The following KCNJ8 variants were observed in gnomAD, a reference collection of about 807,000 sequenced individuals.
KCNJ8 encodes potassium inwardly rectifying channel subfamily J member 8.
KCNJ8 carries 13 observed loss-of-function variants against 28.2 expected under a neutral mutation model. The ratio of observed to expected loss-of-function variants is 0.46; its 90% CI spans 0.30 to 0.73. KCNJ8 has a LOEUF of 0.73. Ranked by LOEUF, KCNJ8 falls within the 30% of genes least tolerant of loss-of-function variation. KCNJ8 has a pLI of 0.07. For synonymous variants in KCNJ8, 188 were observed against 195.9 expected (o/e 0.96, Z 0.34); for missense variants, 284 against 542.6 (o/e 0.52, Z 4.73).
intron 2 of KCNJ8, among the ~76,000 whole-genome samples, chr12:21,771,980 A>G (rs1035123016): frequency 6.6e-6 from 1 of 152,208 alleles, no homozygotes; most frequent in Non-Finnish European, 1.5e-5. Flanking sequence ...ATAATATCTA[A>G]TCAATATTAA....
At position 21,764,995 on chromosome 12, in the gene KCNJ8, T is replaced by C. The variant is rs1940584608; in HGVS notation, c.*728A>G. 6.5e-6 allele frequency: 1 copy of C among 153,010 alleles called. No homozygotes were observed. The highest frequency in any genetic ancestry group is 1.5e-5 in the Non-Finnish European group (1 of 68,654). 9.5% of individuals were successfully genotyped at this position (153,010 alleles called of 1,614,324 possible). ...TTAATAAAATATTCAATACAGTATTTCCCTGTGGGGATTCTAGAAGAAGAA... is the reference window on the plus strand; with the variant it reads ...TTAATAAAATATTCAATACAGTATTCCCCTGTGGGGATTCTAGAAGAAGAA... On this transcript the variant is annotated 3_prime_UTR_variant, in exon 3 of 3. Coordinates refer to ENST00000240662, the MANE Select transcript of KCNJ8 (RefSeq NM_004982.4).
intron 2 of KCNJ8, among the ~76,000 whole-genome samples, chr12:21,772,746 A>G (rs1290321953): frequency 6.6e-6 from 1 of 152,174 alleles, no homozygotes; most frequent in Non-Finnish European, 1.5e-5. Context: ...TTTTTAGTAG[A>G]TTTTTAATCT....
chr12:21,768,868 A>C (rs915746798), intron 2 of KCNJ8, among the ~76,000 whole-genome samples: 2 of 152,232 alleles, frequency 1.3e-5, no homozygotes, highest in Non-Finnish European at 2.9e-5. Context: ...CTGCAAAAGA[A>C]AAGTTTAAAG....
chr12:21,766,397 C>G lies in KCNJ8; in HGVS notation c.601G>C (p.Val201Leu). Reference protein sequence around the residue: ...LIFSRHAVIAVRNGKLCFMFR... With the variant: ...LIFSRHAVIALRNGKLCFMFR... ...ATGAAGCACAGCTTGCCATTTCGGACGGCAATCACAGCATGGCGGCTGAAA... is the reference window on the plus strand; with the variant it reads ...ATGAAGCACAGCTTGCCATTTCGGAGGGCAATCACAGCATGGCGGCTGAAA... Residue 201 changes from valine to leucine, a missense_variant, in exon 3 of 3, where the codon GTC (valine) becomes CTC (leucine). This residue lies in a region of KCNJ8 where 107 missense variants were observed against 235.6 expected (regional missense o/e 0.45). Transcript: ENST00000240662. The surrounding 1 kb of genome is among the most constrained non-coding windows in gnomAD (Gnocchi z 6.5). 1 of 1,614,174 alleles carries G rather than the reference C, an allele frequency of 6.2e-7. No homozygotes were observed. Among genetic ancestry groups the G allele is most frequent in the Non-Finnish European group, 8.5e-7 (1 of 1,180,036 alleles).
Position 21,765,735 on chromosome 12 carries a change from T to C in KCNJ8, c.1263A>G (p.Thr421=). Reference sequence around the variant, plus strand: ...GGTTATCTTGCTGTCATGATTCCGATGTGTTTTGATTTCCTTCTGGAGTCA... The same window carrying C: ...GGTTATCTTGCTGTCATGATTCCGACGTGTTTTGATTTCCTTCTGGAGTCA... ...QFMTPEGNQN[T]SES Residue 421 remains threonine (T), a synonymous_variant, in exon 3 of 3, where the codon ACA becomes ACG. Transcript: ENST00000240662. The C allele has an allele frequency of 2.5e-6, 4 of 1,614,076 alleles. No individual in the cohort carries two copies. Among genetic ancestry groups the C allele is most frequent in the South Asian group, 1.1e-5 (1 of 91,086 alleles).
intron 2 of KCNJ8, among the ~76,000 whole-genome samples, chr12:21,770,880 C>T (rs1465798619): frequency 6.6e-6 from 1 of 152,170 alleles, no homozygotes; most frequent in Non-Finnish European, 1.5e-5. Context: ...TTTATTAATG[C>T]TACAGACAGC....
chr12:21,772,587 C>A lies in KCNJ8; in HGVS notation c.374+656G>T, dbSNP rs554527857. Among the ~76,000 whole-genome samples, 5 of 152,292 alleles carry A rather than the reference C, an allele frequency of 3.3e-5. No individual in the cohort carries two copies. The East Asian group carries it at 5.8e-4, about 18-fold the overall frequency. On this transcript the variant is annotated intron_variant, in intron 2 of 2. Transcript: ENST00000240662. ...ACAAAATTAAATTGCTTCTATATAA[C>A]CCCTTCCATAAAATTTTGGACTAAT... is the stretch of plus-strand genomic sequence containing the variant.
chr12:21,765,926 G>A lies in KCNJ8; in HGVS notation c.1072C>T (p.Leu358=). 1 of 1,614,144 alleles carries A rather than the reference G, an allele frequency of 6.2e-7. No homozygotes were observed. Among genetic ancestry groups the A allele is most frequent in the Non-Finnish European group, 8.5e-7 (1 of 1,179,996 alleles). The change falls in exon 3 of 3, where the codon CTG becomes TTG. Residue 358 remains leucine, a synonymous_variant. Coordinates refer to ENST00000240662, the MANE Select transcript of KCNJ8 (RefSeq NM_004982.4). ...ATAAGGATGGAAGGTTTCTCATCCA[G>A]CTCTCGGGCACTGCACCGTGGAGCA... The part of the protein sequence containing the change: ...VAAPRCSARE[L]DEKPSILIQT...
chr12:21,768,716 A>G (rs1191487564), intron 2 of KCNJ8, among the ~76,000 whole-genome samples: 1 of 152,246 alleles, frequency 6.6e-6, no homozygotes. Flanking sequence ...AGACAGCAAA[A>G]TAGCCTCATT....
chr12:21,770,347 A>G (rs1940729702), intron 2 of KCNJ8, among the ~76,000 whole-genome samples: 1 of 152,210 alleles, frequency 6.6e-6, no homozygotes, highest in Admixed American at 6.5e-5. Context: ...TTACTAGATT[A>G]CAATATAATA....
intron 2 of KCNJ8, among the ~76,000 whole-genome samples, chr12:21,767,335 G>C (rs1940655563): frequency 9.2e-6 from 1 of 108,568 alleles, no homozygotes; most frequent in Non-Finnish European, 1.8e-5. Context: ...CTCCAGGCCA[G>C]GGACCAGTGC....
chr12:21,770,689 A>G (rs898627774), intron 2 of KCNJ8, among the ~76,000 whole-genome samples: 7 of 152,236 alleles, frequency 4.6e-5, no homozygotes, highest in African/African-American at 1.7e-4. Flanking sequence ...ATTTACTCCC[A>G]TATGGGAAGC....
At chr12:21,768,008 T>G (rs977592367) in intron 2 of KCNJ8, among the ~76,000 whole-genome samples, 14 of 151,990 alleles carry the variant, frequency 9.2e-5, no homozygotes, top group Admixed American at 9.2e-4. Flanking sequence ...CCAGCCTTTT[T>G]GGCAACAGGG....
intron 2 of KCNJ8, among the ~76,000 whole-genome samples, chr12:21,767,183 TA>T (rs907841487): frequency 6.6e-6 from 1 of 152,014 alleles, no homozygotes; most frequent in South Asian, 2.1e-4. Flanking sequence ...AGCACAGTGC[TA>T]AAAAAACTAG....
At position 21,766,548 on chromosome 12, in the gene KCNJ8, C is replaced by T. The variant is rs865877915; in HGVS notation, c.450G>A (p.Glu150=). The part of the protein sequence containing the change: ...TIGFGGRMMT[E]ECPLAITVLI... Reference sequence around the variant, plus strand: ...AAACCGTGATGGCCAAAGGGCATTCCTCTGTCATCATCCTCCCTCCAAACC... The same window carrying T: ...AAACCGTGATGGCCAAAGGGCATTCTTCTGTCATCATCCTCCCTCCAAACC... The change falls in exon 3 of 3, where the codon GAG becomes GAA. Residue 150 remains glutamate (E), a synonymous_variant. Coordinates refer to ENST00000240662, the MANE Select transcript of KCNJ8 (RefSeq NM_004982.4). The surrounding 1 kb of genome is among the most constrained non-coding windows in gnomAD (Gnocchi z 6.5). 6.2e-7 allele frequency: 1 copy of T among 1,609,598 alleles called. No individual in the cohort carries two copies. Among genetic ancestry groups the T allele is most frequent in the Admixed American group, 1.7e-5 (1 of 60,022 alleles).
Position 21,765,943 on chromosome 12 carries a change from C to T in KCNJ8, c.1055G>A (p.Arg352Gln), listed in dbSNP as rs747622709. The change falls in exon 3 of 3, where the codon CGG becomes CAG. Residue 352 changes from arginine (R) to glutamine (Q), a missense_variant. Physicochemically the swap from Arg to Gln is conservative, Grantham distance 43. This residue lies in a region of KCNJ8 where 107 missense variants were observed against 235.6 expected (regional missense o/e 0.45). Transcript: ENST00000240662. ...FGNTVKVAAP[R>Q]CSARELDEKP... ...CTCATCCAGCTCTCGGGCACTGCAC[C>T]GTGGAGCAGCTACTTTAACAGTGTT... 36 of 1,614,062 alleles carry T rather than the reference C, an allele frequency of 2.2e-5. No individual in the cohort carries two copies. In the African/African-American group the frequency reaches 2.3e-4, roughly 10 times the overall value.
intron 2 of KCNJ8, among the ~76,000 whole-genome samples, chr12:21,771,242 A>C (rs1420208336): frequency 6.6e-6 from 1 of 152,236 alleles, no homozygotes; most frequent in Non-Finnish European, 1.5e-5. Context: ...TAATGGTTTA[A>C]GAGACTATTC....
chr12:21,766,374 G>T lies in KCNJ8; in HGVS notation c.624C>A (p.Phe208Leu). Reference sequence around the variant, plus strand: ...TCCTCAGGTCACCCACTCGGAACATGAAGCACAGCTTGCCATTTCGGACGG... The same window carrying T: ...TCCTCAGGTCACCCACTCGGAACATTAAGCACAGCTTGCCATTTCGGACGG... ...VIAVRNGKLC[F>L]MFRVGDLRKS... is the part of the protein sequence containing the mutation. The change falls in exon 3 of 3, where the codon TTC becomes TTA. Residue 208 changes from phenylalanine to leucine, a missense_variant. Physicochemically the swap from Phe to Leu is conservative, Grantham distance 22. Coordinates refer to ENST00000240662, the MANE Select transcript of KCNJ8 (RefSeq NM_004982.4). The surrounding 1 kb of genome is among the most constrained non-coding windows in gnomAD (Gnocchi z 6.5). 1 of 1,614,212 alleles carries T rather than the reference G, an allele frequency of 6.2e-7. No individual in the cohort carries two copies. The highest frequency in any genetic ancestry group is 8.5e-7 in the Non-Finnish European group (1 of 1,180,036).
At position 21,765,793 on chromosome 12, in the gene KCNJ8, T is replaced by C. The variant is rs1286367742; in HGVS notation, c.1205A>G (p.Asn402Ser). Reference protein sequence around the residue: ...MRRNNSIRRNNSSLMVPKVQF... With the variant: ...MRRNNSIRRNSSSLMVPKVQF... ...CACCTTTGGTACCATGAGGGAAGAA[T>C]TGTTCCTTCGGATAGAATTGTTCCT... Residue 402 changes from asparagine to serine, a missense_variant, in exon 3 of 3, where the codon AAT becomes AGT. This residue lies in a region of KCNJ8 where 50 missense variants were observed against 55.9 expected (regional missense o/e 0.90). Coordinates refer to ENST00000240662, the MANE Select transcript of KCNJ8 (RefSeq NM_004982.4). The C allele has an allele frequency of 1.2e-6, 2 of 1,614,030 alleles. No individual in the cohort carries two copies. The highest frequency in any genetic ancestry group is 1.7e-5 in the Admixed American group (1 of 60,008).
Sources: allele counts gnomAD v4.1 joint callset (sites outside exome capture counted in the v4.1 genomes callset), GRCh38; gene constraint gnomAD v4.1.1; regional missense constraint gnomAD v4.1.1; non-coding constraint Gnocchi (gnomAD v3.1); transcripts MANE v1.5; gene names NCBI Gene and HGNC (gene_info 2026-07-23, HGNC 2026-07-21).